FAAH2: variants seen among roughly 807,000 people sequenced by gnomAD.
FAAH2 encodes fatty acid amide hydrolase 2, also known as fatty-acid amide hydrolase 2.
In FAAH2, 60 loss-of-function variants were observed where a neutral mutation model predicts 36.9. The observed-to-expected ratio is 1.63, with a 90% confidence interval of 1.32 to 2.02. The LOEUF is 2.02. Among genes scored for constraint, FAAH2 ranks in the 30% most tolerant of loss-of-function variants. FAAH2 has a pLI of 0.00. For missense variants in FAAH2, 689 were observed against 397.5 expected (o/e 1.73, Z -6.23); for synonymous variants, 214 against 143.8 (o/e 1.49, Z -3.49).
At chrX:57,306,905 T>C (rs1428663969) in intron 2 of FAAH2, among the ~76,000 whole-genome samples, 1 of 84,266 alleles carries the variant, frequency 1.2e-5, no homozygotes, top group Non-Finnish European at 2.4e-5. Flanking sequence ...TATACATATA[T>C]AGTACTATAT....
chrX:57,320,309 A>G (rs1205160589), intron 3 of FAAH2, among the ~76,000 whole-genome samples: 2 of 112,231 alleles, frequency 1.8e-5, no homozygotes, highest in Non-Finnish European at 3.8e-5. Context: ...AAGAAACTTA[A>G]ACAAATTTAC....
the FAAH2 span, among the ~76,000 whole-genome samples, chrX:57,164,138 C>A: frequency 8.9e-6 from 1 of 111,925 alleles, no homozygotes; most frequent in African/African-American, 3.2e-5. Context: ...TTGGAGAAGG[C>A]ACAAGGTTGG....
At chrX:57,423,529 G>T (rs1270332442) in intron 7 of FAAH2, among the ~76,000 whole-genome samples, 1 of 111,800 alleles carries the variant, frequency 8.9e-6, no homozygotes, top group East Asian at 2.8e-4. Flanking sequence ...GCAGGAGAGA[G>T]CTCCACCAGG....
At chrX:57,308,827 T>TAACATG (rs1393097089) in intron 2 of FAAH2, among the ~76,000 whole-genome samples, 1 of 111,435 alleles carries the variant, frequency 9.0e-6, no homozygotes, top group East Asian at 2.8e-4. Flanking sequence ...ACTACCACCA[T>TAACATG]GTTAGATAGA....
chrX:57,247,483 C>A, the FAAH2 span, among the ~76,000 whole-genome samples: 2 of 110,801 alleles, frequency 1.8e-5, no homozygotes, highest in African/African-American at 6.6e-5. Flanking sequence ...TCTCTCCCTC[C>A]ATCCCTCTCT....
the FAAH2 span, among the ~76,000 whole-genome samples, chrX:57,168,780 C>T: frequency 1.8e-5 from 2 of 111,514 alleles, no homozygotes; most frequent in Non-Finnish European, 3.8e-5. Context: ...ACTTCTCTAC[C>T]CCCTTATGTG....
chrX:57,385,317 C>T (rs1376473812), intron 7 of FAAH2, among the ~76,000 whole-genome samples: 1 of 106,962 alleles, frequency 9.3e-6, no homozygotes, highest in African/African-American at 3.4e-5. Flanking sequence ...CTAGAAGAAA[C>T]TTGATTGTGG....
At chrX:57,397,777 A>T (rs775677632) in intron 7 of FAAH2, among the ~76,000 whole-genome samples, 8 of 109,928 alleles carry the variant, frequency 7.3e-5, no homozygotes, top group Admixed American at 2.9e-4. Flanking sequence ...ATATGTACAC[A>T]TGTGCCTTGT....
intron 3 of FAAH2, among the ~76,000 whole-genome samples, chrX:57,328,517 A>G (rs1191619214): frequency 1.8e-5 from 2 of 111,257 alleles, no homozygotes; most frequent in Non-Finnish European, 3.8e-5. Flanking sequence ...CAGGATCTCA[A>G]TGATCTTTCT....
At chrX:57,392,272 T>A (rs1458513711) in intron 7 of FAAH2, among the ~76,000 whole-genome samples, 1 of 111,645 alleles carries the variant, frequency 9.0e-6, no homozygotes, top group Non-Finnish European at 1.9e-5. Context: ...TACTTCTTTT[T>A]AAATTTGGAT....
chrX:57,372,225 C>G (rs988601451), intron 5 of FAAH2, among the ~76,000 whole-genome samples: 2 of 111,671 alleles, frequency 1.8e-5, no homozygotes. Flanking sequence ...AATCACCAAA[C>G]TGCCTTCCAA....
the FAAH2 span, among the ~76,000 whole-genome samples, chrX:57,176,402 T>C: frequency 9.5e-4 from 106 of 111,824 alleles, 1 homozygote; most frequent in East Asian, 0.025. Flanking sequence ...GTTCAATAAA[T>C]TGTATTTTAT....
the FAAH2 span, among the ~76,000 whole-genome samples, chrX:57,225,835 T>C: frequency 8.9e-6 from 1 of 112,117 alleles, no homozygotes. Flanking sequence ...AGGTGAATAT[T>C]TGTTTAAGAT....
intron 4 of FAAH2, among the ~76,000 whole-genome samples, chrX:57,333,692 C>G (rs1003895633): frequency 9.0e-6 from 1 of 110,504 alleles, no homozygotes; most frequent in African/African-American, 3.3e-5. Flanking sequence ...TGTGGAAGAT[C>G]TGTCAAAAAG....
At chrX:57,249,949 A>G in the FAAH2 span, among the ~76,000 whole-genome samples, 6 of 111,883 alleles carry the variant, frequency 5.4e-5, no homozygotes, top group South Asian at 3.7e-4. Flanking sequence ...CTGCATTTAA[A>G]TGGAAAGTCT....
intron 7 of FAAH2, among the ~76,000 whole-genome samples, chrX:57,405,931 C>A (rs777809205): frequency 2.8e-4 from 30 of 108,173 alleles, no homozygotes; most frequent in Admixed American, 1.7e-3. Context: ...ATTTTCAATT[C>A]TTTATCTGTC....
the FAAH2 span, among the ~76,000 whole-genome samples, chrX:57,144,486 C>T: frequency 9.2e-6 from 1 of 108,752 alleles, no homozygotes; most frequent in Admixed American, 9.9e-5. Context: ...TTCTGGATCT[C>T]GTAAGCACAC....
chrX:57,152,916 C>T, the FAAH2 span, among the ~76,000 whole-genome samples: 7 of 110,373 alleles, frequency 6.3e-5, no homozygotes, highest in East Asian at 1.1e-3. Flanking sequence ...TGGCTCCCCC[C>T]CCGCTGACCT....
the FAAH2 span, among the ~76,000 whole-genome samples, chrX:57,161,308 A>T: frequency 3.6e-5 from 4 of 111,508 alleles, 1 homozygote; most frequent in Non-Finnish European, 7.5e-5. Context: ...AATAAGTGTG[A>T]TGTGGTGCTG....
Sources: allele counts gnomAD v4.1 joint callset (sites outside exome capture counted in the v4.1 genomes callset), GRCh38; gene constraint gnomAD v4.1.1; transcripts MANE v1.5; gene names NCBI Gene and HGNC (gene_info 2026-07-23, HGNC 2026-07-21).